PFKM: variants seen among roughly 807,000 people sequenced by gnomAD.
PFKM encodes the protein phosphofructokinase, muscle.
PFKM carries 58 observed loss-of-function variants against 95.5 expected under a neutral mutation model. That is an observed-to-expected ratio of 0.61 (90% CI 0.49 to 0.76). The LOEUF is 0.76. Among genes scored for constraint, PFKM ranks in the 30% least tolerant of loss-of-function variants. The pLI, the probability that PFKM is intolerant of heterozygous loss-of-function variation, is 0.00. For synonymous variants in PFKM, 336 were observed against 357.2 expected (o/e 0.94, Z 0.67); for missense variants, 678 against 1,005.4 (o/e 0.67, Z 4.40).
chr12:48,134,177 G>T, intron 6 of PFKM, 55 bp from the exon 7 acceptor site: 1 of 1,473,422 alleles, frequency 6.8e-7, no homozygotes. Context: ...GTGGGTGGTG[G>T]CTTGATCTTG....
intron 3 of PFKM, 79 bp downstream of exon 3, chr12:48,130,515 G>C: frequency 9.4e-7 from 1 of 1,060,488 alleles, no homozygotes; most frequent in Non-Finnish European, 1.5e-6. Flanking sequence ...CCCACATTCT[G>C]TGTCCTTACC....
upstream of PFKM, among the ~76,000 whole-genome samples, chr12:48,117,766 C>G (rs143500445): frequency 6.0e-4 from 91 of 152,322 alleles, no homozygotes; most frequent in African/African-American, 2.1e-3. Flanking sequence ...TGACACAGCC[C>G]TCAGGAGATC....
chr12:48,123,615 T>A (rs10082861), intron 2 of PFKM, among the ~76,000 whole-genome samples: 5 of 152,096 alleles, frequency 3.3e-5, no homozygotes, highest in Non-Finnish European at 7.4e-5. Context: ...AAAGGATACA[T>A]GACATGGAGA....
intron 11 of PFKM, among the ~76,000 whole-genome samples, chr12:48,138,964 C>T (rs896639087): frequency 1.4e-4 from 22 of 152,158 alleles, no homozygotes; most frequent in East Asian, 3.9e-4. Flanking sequence ...TGCTTGAACC[C>T]GGGAGGCAGG....
chr12:48,110,829 C>CTG (rs775843596), intron 3 of PFKM, among the ~76,000 whole-genome samples: 13 of 151,496 alleles, frequency 8.6e-5, no homozygotes, highest in African/African-American at 1.5e-4. Flanking sequence ...ATGAGGCAGG[C>CTG]TGTGTGTGTG....
At chr12:48,107,863 T>C (rs1197803504) in intron 2 of PFKM, among the ~76,000 whole-genome samples, 1 of 152,166 alleles carries the variant, frequency 6.6e-6, no homozygotes, top group African/African-American at 2.4e-5. Flanking sequence ...CCACCCCACC[T>C]CAAAGTATCT....
intron 1 of PFKM, chr12:48,107,306 C>A: frequency 1.9e-6 from 2 of 1,065,194 alleles, no homozygotes; most frequent in South Asian, 1.3e-5. Context: ...CCATGTCAGT[C>A]ACTGACATCT....
At chr12:48,142,109 A>G (rs1165413860) in intron 17 of PFKM, 43 bp downstream of exon 17, 1 of 1,585,108 alleles carries the variant, frequency 6.3e-7, no homozygotes, top group Non-Finnish European at 8.7e-7. Context: ...GGCCAGGATT[A>G]TAATCCTTAA....
At chr12:48,108,159 C>T (rs1328709160) in exon 3 of PFKM, 2 of 1,598,598 alleles carry the variant, frequency 1.3e-6, no homozygotes, top group Non-Finnish European at 1.7e-6. Flanking sequence ...ATGGATGATC[C>T]AGACACCGTG....
chr12:48,133,428 G>A lies in PFKM; in HGVS notation c.541G>A (p.Ala181Thr). Residue 181 changes from alanine to threonine, a missense_variant, in exon 6 of 23, where the codon GCC becomes ACC. Transcript: ENST00000359794. Reference protein sequence around the residue: ...GTDMTIGTDSALHRIMEIVDA... With the variant: ...GTDMTIGTDSTLHRIMEIVDA... ...CGATATGACCATTGGCACTGACTCT[G>A]CCCTGCATCGGATCATGGAAATTGT... 6.2e-7 allele frequency: 1 copy of A among 1,614,130 alleles called. No individual in the cohort carries two copies. The highest frequency in any genetic ancestry group is 1.1e-5 in the South Asian group (1 of 91,076).
At chr12:48,140,287 A>G (rs1424029852) in intron 13 of PFKM, among the ~76,000 whole-genome samples, 1 of 152,240 alleles carries the variant, frequency 6.6e-6, no homozygotes, top group East Asian at 1.9e-4. Flanking sequence ...TTAAGTATAT[A>G]TCAGAATTGT....
rs188397537 is a variant in PFKM, at chr12:48,108,232, G to T, written c.205+38G>T. ...GGTCAACAGTGAGAAATGTTCAAAG[G>T]AATATGGGAAAGTGAAAGTTGTATG... is the stretch of plus-strand genomic sequence containing the variant. On this transcript the variant is annotated intron_variant, in intron 3 of 24. Transcript: ENST00000340802. The T allele has an allele frequency of 1.9e-6, 3 of 1,579,972 alleles. No individual in the cohort carries two copies. In the Admixed American group the frequency reaches 5.2e-5, roughly 27 times the overall value.
chr12:48,130,021 C>G (rs1287800781), intron 2 of PFKM, among the ~76,000 whole-genome samples: 6 of 152,248 alleles, frequency 3.9e-5, no homozygotes, highest in African/African-American at 1.4e-4. Context: ...TTGACAAGCT[C>G]TTGGCAGTGT....
At chr12:48,120,586 T>C (rs113682680) in intron 1 of PFKM, among the ~76,000 whole-genome samples, 13 of 152,294 alleles carry the variant, frequency 8.5e-5, no homozygotes, top group African/African-American at 3.1e-4. Context: ...GGCTTATGAG[T>C]CTCTGTCACA....
upstream of PFKM, among the ~76,000 whole-genome samples, chr12:48,118,325 C>T (rs932799415): frequency 2.2e-4 from 34 of 152,080 alleles, no homozygotes; most frequent in African/African-American, 8.2e-4. Context: ...GGATGCCAGC[C>T]CCTTATCAGA....
At chr12:48,130,964 C>G (rs1949414299) in intron 3 of PFKM, among the ~76,000 whole-genome samples, 1 of 152,194 alleles carries the variant, frequency 6.6e-6, no homozygotes, top group African/African-American at 2.4e-5. Flanking sequence ...CTCCCACCAA[C>G]TTCCCCTTCT....
intron 13 of PFKM, 75 bp downstream of exon 13, chr12:48,139,987 G>A: frequency 2.1e-6 from 2 of 969,016 alleles, no homozygotes; most frequent in East Asian, 4.9e-5. Flanking sequence ...TGCTACCACA[G>A]TCCATACAAC....
chr12:48,141,269 GT>G, intron 14 of PFKM, 41 bp from the exon 15 acceptor site: 4 of 1,579,162 alleles, frequency 2.5e-6, no homozygotes, highest in Non-Finnish European at 2.6e-6. Flanking sequence ...AGGCCTCCTA[GT>G]GCTTTAGCCT....
Position 48,113,319 on chromosome 12 carries a change from C to A in PFKM, c.205+5125C>A, listed in dbSNP as rs144171767. Reference sequence around the variant, plus strand: ...TTGATTAAGAAGGGGACGGACTTACCCTCCACTGTAAGAGTTACCTAAAGC... The same window carrying A: ...TTGATTAAGAAGGGGACGGACTTACACTCCACTGTAAGAGTTACCTAAAGC... On this transcript the variant is annotated intron_variant, in intron 3 of 24. Transcript: ENST00000340802. Among the ~76,000 whole-genome samples the A allele has an allele frequency of 7.9e-3, 1,204 of 152,220 alleles. 29 individuals are homozygous for A. Among genetic ancestry groups the A allele is most frequent in the African/African-American group, 0.028 (1,142 of 41,514 alleles).
Sources: allele counts gnomAD v4.1 joint callset (sites outside exome capture counted in the v4.1 genomes callset), GRCh38; gene constraint gnomAD v4.1.1; transcripts MANE v1.5; gene names NCBI Gene and HGNC (gene_info 2026-07-23, HGNC 2026-07-21).